Variants in CNTN6 observed in about 807,000 individuals in gnomAD.
The protein encoded by CNTN6 is contactin-6.
CNTN6 carries 137 observed loss-of-function variants against 122.8 expected under a neutral mutation model. The ratio of observed to expected loss-of-function variants is 1.12; its 90% CI spans 0.97 to 1.29. The LOEUF (loss-of-function observed/expected upper bound fraction) is 1.29. Among genes scored for constraint, CNTN6 ranks in the 50% most tolerant of loss-of-function variants. The probability of loss-of-function intolerance (pLI) is 0.00; values close to 1 mark genes in which losing one functional copy is unlikely to be tolerated. For missense variants in CNTN6, 1,634 were observed against 1,223.4 expected, an observed-to-expected ratio of 1.34 and a Z score of -5.01; for synonymous variants, 570 against 426.0, an observed-to-expected ratio of 1.34 and a Z score of -4.16.
At chr3:1,256,206 T>G (rs1460136025) in intron 4 of CNTN6, among the ~76,000 whole-genome samples, 1 of 152,182 alleles carries the variant, frequency 6.6e-6, no homozygotes, top group Non-Finnish European at 1.5e-5. Context: ...ATTTGCTTTA[T>G]CTGTATTAAA....
intron 4 of CNTN6, among the ~76,000 whole-genome samples, chr3:1,249,040 T>C (rs1007028421): frequency 6.6e-6 from 1 of 152,164 alleles, no homozygotes; most frequent in South Asian, 2.1e-4. Context: ...AGATTCTACA[T>C]GTTTAACAAG....
chr3:1,240,706 T>TAAA (rs58626912), intron 4 of CNTN6, among the ~76,000 whole-genome samples: 1 of 129,386 alleles, frequency 7.7e-6, no homozygotes, highest in Admixed American at 8.0e-5. Context: ...GTTATTATAC[T>TAAA]AAAAAAAAAA....
At chr3:1,108,681 T>C (rs1473107424) in intron 1 of CNTN6, among the ~76,000 whole-genome samples, 1 of 152,044 alleles carries the variant, frequency 6.6e-6, no homozygotes, top group Non-Finnish European at 1.5e-5. Flanking sequence ...TTTGCCAGAT[T>C]TGATTTGTAT....
chr3:1,390,978 A>C (rs1694054896), intron 20 of CNTN6, among the ~76,000 whole-genome samples: 1 of 144,464 alleles, frequency 6.9e-6, no homozygotes, highest in Non-Finnish European at 1.5e-5. Flanking sequence ...CAGAGGTACA[A>C]GGAGGAACTG....
At chr3:1,135,171 C>A (rs2125115081) in intron 1 of CNTN6, among the ~76,000 whole-genome samples, 1 of 151,768 alleles carries the variant, frequency 6.6e-6, no homozygotes, top group South Asian at 2.1e-4. Flanking sequence ...TTCCCTGTTC[C>A]CAAATGAATA....
chr3:1,245,241 C>CATATATATATA (rs2094552727), intron 4 of CNTN6, among the ~76,000 whole-genome samples: 3 of 11,460 alleles, frequency 2.6e-4, no homozygotes, highest in African/African-American at 2.0e-3. Context: ...TATATACACA[C>CATATATATATA]ACACATATAT....
At chr3:1,220,033 A>G (rs541091860) in intron 2 of CNTN6, among the ~76,000 whole-genome samples, 1 of 151,902 alleles carries the variant, frequency 6.6e-6, no homozygotes, top group African/African-American at 2.4e-5. Context: ...AAAGAAAAAA[A>G]ATATCAACTG....
chr3:1,341,715 G>C (rs919377611), intron 11 of CNTN6, among the ~76,000 whole-genome samples: 1 of 152,140 alleles, frequency 6.6e-6, no homozygotes, highest in African/African-American at 2.4e-5. Context: ...GACACATTAT[G>C]ATAAATTTAG....
chr3:1,095,584 G>C (rs1018539584), intron 1 of CNTN6, among the ~76,000 whole-genome samples: 5 of 152,176 alleles, frequency 3.3e-5, no homozygotes, highest in Admixed American at 1.3e-4. Flanking sequence ...TGAAGAAATT[G>C]TTAAATTTCA....
At chr3:1,361,393 G>A (rs1344721105) in intron 12 of CNTN6, among the ~76,000 whole-genome samples, 2 of 151,974 alleles carry the variant, frequency 1.3e-5, no homozygotes, top group East Asian at 1.9e-4. Context: ...TCTTCAGTTT[G>A]GTTTTGTTCC....
chr3:1,252,686 T>G lies in CNTN6; in HGVS notation c.358+24693T>G, dbSNP rs560914060. Among the ~76,000 whole-genome samples, 50 of 152,258 alleles carry G rather than the reference T, an allele frequency of 3.3e-4. 1 individual carries two copies. In the East Asian group the frequency reaches 8.9e-3, roughly 27 times the overall value. On this transcript the variant is annotated intron_variant, in intron 4 of 22. Transcript: ENST00000446702. ...CATGATCTGTTTTTTAAAATTCAGG[T>G]CTCCTGACTAAGATGCTTATTTTAC...
intron 4 of CNTN6, among the ~76,000 whole-genome samples, chr3:1,239,196 G>A (rs969452027): frequency 2.0e-5 from 3 of 152,108 alleles, no homozygotes; most frequent in Admixed American, 6.5e-5. Flanking sequence ...AAGAAATAAA[G>A]CGTGTCCAAA....
chr3:1,136,422 A>G (rs894109218), intron 1 of CNTN6, among the ~76,000 whole-genome samples: 1 of 152,204 alleles, frequency 6.6e-6, no homozygotes, highest in Non-Finnish European at 1.5e-5. Context: ...TCCCATGATC[A>G]TGGAAGTTTG....
chr3:1,178,614 G>A (rs1350090383), intron 2 of CNTN6, among the ~76,000 whole-genome samples: 1 of 152,100 alleles, frequency 6.6e-6, no homozygotes, highest in Non-Finnish European at 1.5e-5. Context: ...TCCCCCCACT[G>A]TTTTCTCATA....
intron 5 of CNTN6, among the ~76,000 whole-genome samples, chr3:1,290,078 C>G (rs1281256536): frequency 6.6e-6 from 1 of 152,174 alleles, no homozygotes; most frequent in African/African-American, 2.4e-5. Context: ...GGCTCCTCCC[C>G]AGACTTACTG....
intron 2 of CNTN6, among the ~76,000 whole-genome samples, chr3:1,203,614 G>A (rs954919062): frequency 4.6e-5 from 7 of 152,178 alleles, no homozygotes; most frequent in African/African-American, 1.4e-4. Flanking sequence ...ATTTCATGAA[G>A]ATATTTATGT....
At chr3:1,384,750 CATATATATACATATATATACACATATAT>C (rs1216626582) in intron 19 of CNTN6, among the ~76,000 whole-genome samples, 2 of 99,762 alleles carry the variant, frequency 2.0e-5, no homozygotes, top group Non-Finnish European at 3.8e-5. Context: ...CATATATACA[CATATATATACATATATATACACATATAT>C]ATATATATAT....
At chr3:1,178,455 G>T (rs1381440012) in intron 2 of CNTN6, among the ~76,000 whole-genome samples, 1 of 151,976 alleles carries the variant, frequency 6.6e-6, no homozygotes, top group African/African-American at 2.4e-5. Flanking sequence ...ATTGAAATTA[G>T]CCTGCTGATG....
chr3:1,376,637 T>C (rs866890371), intron 16 of CNTN6, among the ~76,000 whole-genome samples: 1 of 148,176 alleles, frequency 6.7e-6, no homozygotes, highest in Non-Finnish European at 1.5e-5. Context: ...ATAATTAATA[T>C]ACTGCCTCAG....
Sources: allele counts gnomAD v4.1 joint callset (sites outside exome capture counted in the v4.1 genomes callset), GRCh38; gene constraint gnomAD v4.1.1; transcripts MANE v1.5; gene names NCBI Gene and HGNC (gene_info 2026-07-23, HGNC 2026-07-21).